RYR2: variants seen among roughly 807,000 people sequenced by gnomAD.
RYR2 encodes cardiac muscle ryanodine receptor-calcium release channel.
RYR2 carries 227 observed loss-of-function variants against 601.1 expected under a neutral mutation model. The ratio of observed to expected loss-of-function variants is 0.38; its 90% CI spans 0.34 to 0.42. The LOEUF (loss-of-function observed/expected upper bound fraction) is 0.42. Among genes scored for constraint, RYR2 ranks in the 10% least tolerant of loss-of-function variants. RYR2 has a pLI of 1.00. For synonymous variants in RYR2, 2,223 were observed against 2,175.1 expected, an observed-to-expected ratio of 1.02 and a Z score of -0.61; for missense variants, 4,646 against 6,156.5, an observed-to-expected ratio of 0.75 and a Z score of 8.21.
chr1:237,049,061 G>A (rs1366848632), intron 1 of RYR2, among the ~76,000 whole-genome samples: 1 of 152,100 alleles, frequency 6.6e-6, no homozygotes, highest in African/African-American at 2.4e-5. Context: ...GGTGAGAGAG[G>A]CCAGGTGATG....
chr1:237,601,009 C>G (rs1359985284), intron 34 of RYR2, among the ~76,000 whole-genome samples: 2 of 151,950 alleles, frequency 1.3e-5, no homozygotes, highest in Non-Finnish European at 2.9e-5. Flanking sequence ...ATGAATATAC[C>G]CATTATGAAA....
intron 16 of RYR2, among the ~76,000 whole-genome samples, chr1:237,456,957 A>G (rs1658909397): frequency 6.6e-6 from 1 of 152,152 alleles, no homozygotes; most frequent in Non-Finnish European, 1.5e-5. Context: ...AAAAAATCAC[A>G]TAATAGCTAC....
intron 62 of RYR2, among the ~76,000 whole-genome samples, chr1:237,684,043 T>C (rs892664495): frequency 6.6e-6 from 1 of 151,994 alleles, no homozygotes; most frequent in South Asian, 2.1e-4. Context: ...TTCTCCTGCC[T>C]CAGCCTCCTG....
chr1:237,514,733 GC>G (rs1323952385), intron 24 of RYR2, among the ~76,000 whole-genome samples: 1 of 152,144 alleles, frequency 6.6e-6, no homozygotes, highest in African/African-American at 2.4e-5. Flanking sequence ...AGGAAATGTT[GC>G]TGGAGTCACT....
chr1:237,124,131 A>G (rs1328442408), intron 1 of RYR2, among the ~76,000 whole-genome samples: 1 of 152,204 alleles, frequency 6.6e-6, no homozygotes, highest in Non-Finnish European at 1.5e-5. Context: ...CATAATTATG[A>G]AAAAAGCTGG....
At chr1:237,202,893 T>C (rs1344984273) in intron 1 of RYR2, among the ~76,000 whole-genome samples, 5 of 152,100 alleles carry the variant, frequency 3.3e-5, no homozygotes. Flanking sequence ...CAACGCAACA[T>C]TGTGAATGCT....
chr1:237,460,571 A>G (rs1659362559), intron 16 of RYR2, among the ~76,000 whole-genome samples: 1 of 152,228 alleles, frequency 6.6e-6, no homozygotes, highest in Admixed American at 6.5e-5. Flanking sequence ...TGAATAGAGT[A>G]GGCAGTCAAT....
intron 96 of RYR2, among the ~76,000 whole-genome samples, chr1:237,796,744 C>T (rs1659282160): frequency 6.6e-6 from 1 of 151,804 alleles, no homozygotes; most frequent in African/African-American, 2.4e-5. Flanking sequence ...CCAGTGATCT[C>T]TCCTCCTGCT....
chr1:237,634,842 G>C, intron 43 of RYR2, 47 bp from the exon 44 acceptor site: 1 of 1,435,418 alleles, frequency 7.0e-7, no homozygotes, highest in Non-Finnish European at 9.6e-7. Context: ...GGAGTTTATA[G>C]TTACAGCACG....
chr1:237,804,246 C>T (rs529995953), intron 98 of RYR2, among the ~76,000 whole-genome samples: 2 of 151,930 alleles, frequency 1.3e-5, no homozygotes, highest in Admixed American at 6.6e-5. Flanking sequence ...CCAACTTGGT[C>T]TTGCAAAACA....
At chr1:237,471,129 C>G (rs1001999014) in intron 17 of RYR2, 1 of 154,456 alleles carries the variant, frequency 6.5e-6, no homozygotes, top group South Asian at 2.0e-4. Context: ...TTGGCAGGTG[C>G]CATGTTGCCT....
chr1:237,262,492 G>T (rs1309854382), intron 1 of RYR2, among the ~76,000 whole-genome samples: 1 of 151,828 alleles, frequency 6.6e-6, no homozygotes, highest in Middle Eastern at 3.2e-3. Flanking sequence ...CCTGGCCTCA[G>T]TTGATCCACC....
At chr1:237,256,033 C>T (rs1436757879) in intron 1 of RYR2, among the ~76,000 whole-genome samples, 1 of 152,072 alleles carries the variant, frequency 6.6e-6, no homozygotes, top group Admixed American at 6.6e-5. Flanking sequence ...TGTGTCGCCA[C>T]CCAAATCTCA....
At chr1:237,065,277 TTTTTTTTTTTTTTTTTTTTC>T (rs1422579868) in intron 1 of RYR2, among the ~76,000 whole-genome samples, 1 of 19,766 alleles carries the variant, frequency 5.1e-5, no homozygotes, top group Non-Finnish European at 1.1e-4. Context: ...TCCTTTTTTT[TTTTTTTTTTTTTTTTTTTTC>T]GAGAGGGAGT....
Position 237,498,574 on chromosome 1 carries a change from G to GA in RYR2, c.2203+1834dup, listed in dbSNP as rs552372056. Among the ~76,000 whole-genome samples, 352 of 141,386 alleles carry GA rather than the reference G, an allele frequency of 2.5e-3. 1 individual carries two copies. Among genetic ancestry groups the GA allele is most frequent in the African/African-American group, 6.0e-3 (232 of 38,840 alleles). The allele number at this position is 141,386 out of a possible 152,430, so 92.8% of individuals were successfully genotyped here. A position where few individuals can be genotyped will look rare whatever the true frequency, so the allele number is the denominator to read the frequency against. On this transcript the variant is annotated intron_variant, in intron 20 of 104. Transcript: ENST00000366574. The stretch of plus-strand genomic sequence containing the variant: ...TTTTCCCATTACACAGAGATTAGAT[G>GA]AAAAAAAAAAAACATTGATCGACAA...
chr1:237,623,881 T>G lies in RYR2; in HGVS notation c.6022+11T>G. The G allele has an allele frequency of 6.5e-7, 1 of 1,546,580 alleles. No individual in the cohort carries two copies. Among genetic ancestry groups the G allele is most frequent in the Non-Finnish European group, 8.9e-7 (1 of 1,119,158 alleles). On this transcript the variant is annotated intron_variant, in intron 39 of 104. Transcript: ENST00000366574. Reference sequence around the variant, plus strand: ...TGATGACACATTGTGGTAAGGTCTTTTTGATTAAAAGCTTTTATTAATTGT... The same window carrying G: ...TGATGACACATTGTGGTAAGGTCTTGTTGATTAAAAGCTTTTATTAATTGT...
intron 25 of RYR2, among the ~76,000 whole-genome samples, chr1:237,543,159 C>CT: frequency 6.6e-6 from 1 of 152,096 alleles, no homozygotes; most frequent in East Asian, 1.9e-4. Context: ...CCAAGTATAG[C>CT]TTTTTTTTCC....
intron 42 of RYR2, 91 bp downstream of exon 42, chr1:237,631,632 T>A: frequency 1.7e-6 from 1 of 605,262 alleles, no homozygotes. Flanking sequence ...TTTTTTTTTT[T>A]TTTTTTTTTT....
At chr1:237,456,174 C>T (rs769356540) in intron 15 of RYR2, among the ~76,000 whole-genome samples, 2 of 151,928 alleles carry the variant, frequency 1.3e-5, no homozygotes, top group African/African-American at 2.4e-5. Flanking sequence ...ACAAAGTTCA[C>T]GATAATGCAA....
Sources: gnomAD v4.1 joint callset for allele counts (sites outside exome capture counted in the v4.1 genomes callset) on GRCh38, gnomAD v4.1.1 for gene constraint, MANE v1.5 for transcripts, NCBI Gene and HGNC (gene_info 2026-07-23, HGNC 2026-07-21) for gene names.